The following ITGA8 variants were observed in gnomAD, a reference collection of about 807,000 sequenced individuals.
ITGA8 encodes integrin alpha-8.
In ITGA8, 91 loss-of-function variants were observed where a neutral mutation model predicts 142.3. The observed-to-expected ratio is 0.64, with a 90% CI of 0.54 to 0.76. ITGA8 has a LOEUF of 0.76. ITGA8 is among the 30% of genes least tolerant of loss of function. The pLI is 0.00. For synonymous variants in ITGA8, 505 were observed against 485.2 expected, an observed-to-expected ratio of 1.04 and a Z score of -0.54; for missense variants, 1,406 against 1,327.7, an observed-to-expected ratio of 1.06 and a Z score of -0.92.
chr10:15,616,765 T>C (rs1833400623), intron 13 of ITGA8, among the ~76,000 whole-genome samples: 1 of 152,122 alleles, frequency 6.6e-6, no homozygotes, highest in African/African-American at 2.4e-5. Flanking sequence ...CGTCCATCAG[T>C]GGATCTCAAA....
intron 26 of ITGA8, among the ~76,000 whole-genome samples, chr10:15,555,008 C>T (rs144318073): frequency 1.3e-5 from 2 of 152,300 alleles, no homozygotes; most frequent in Middle Eastern, 3.4e-3. Context: ...GATTCAATTT[C>T]TTGAGCACTG....
Position 15,544,073 on chromosome 10 carries a change from T to A in ITGA8, c.2880+4382A>T, listed in dbSNP as rs374929159. Reference sequence around the variant, plus strand: ...GCTTTGGGAGGCCAAGGCAGGAGGATCACTGGAAGCCAGGAGTTTGAGACC... The same window carrying A: ...GCTTTGGGAGGCCAAGGCAGGAGGAACACTGGAAGCCAGGAGTTTGAGACC... On this transcript the variant is annotated intron_variant, in intron 27 of 29. Coordinates refer to ENST00000378076, the MANE Select transcript of ITGA8 (RefSeq NM_003638.3). 8.9e-3 allele frequency among the ~76,000 whole-genome samples: 1,355 copies of A among 152,210 alleles called. 19 individuals carry two copies. Among genetic ancestry groups the A allele is most frequent in the African/African-American group, 0.032 (1,317 of 41,530 alleles).
At chr10:15,560,582 G>A (rs754289836) in intron 25 of ITGA8, among the ~76,000 whole-genome samples, 1 of 152,048 alleles carries the variant, frequency 6.6e-6, no homozygotes, top group Non-Finnish European at 1.5e-5. Flanking sequence ...GCATATACAG[G>A]TTACTGATTA....
At chr10:15,674,635 A>G (rs1834591425) in intron 6 of ITGA8, among the ~76,000 whole-genome samples, 1 of 152,176 alleles carries the variant, frequency 6.6e-6, no homozygotes, top group South Asian at 2.1e-4. Flanking sequence ...TTTATATACA[A>G]TTTTATCATA....
In ITGA8 at chr10:15,527,111, AC is replaced by A. The variant is rs1345684273; in HGVS notation, c.2982+3938del. 2.6e-5 allele frequency among the ~76,000 whole-genome samples: 4 copies of A among 152,178 alleles called. No homozygotes were observed. The East Asian group carries it at 7.7e-4, about 29-fold the overall frequency. On this transcript the variant is annotated intron_variant, in intron 28 of 29. Coordinates refer to ENST00000378076, the MANE Select transcript of ITGA8 (RefSeq NM_003638.3). Reference sequence around the variant, plus strand: ...TTAAATAAACGTACCAAGACACCCTACCTACGGTGCCATTTAGAACAAAATA... The same window carrying A: ...TTAAATAAACGTACCAAGACACCCTACTACGGTGCCATTTAGAACAAAATA...
intron 8 of ITGA8, among the ~76,000 whole-genome samples, chr10:15,664,838 A>C (rs202247740): frequency 5.4e-5 from 8 of 149,276 alleles, no homozygotes; most frequent in East Asian, 2.0e-4. Context: ...CCTACAAAGG[A>C]CATGAACTCA....
In ITGA8 at chr10:15,586,614, A is replaced by G; in HGVS notation, c.2342T>C (p.Ile781Thr). ...TATTTCCACCTGCGCTACAGCAGTG[A>G]TGTTGATTTGCAGGCTCACAAAATT... is the stretch of plus-strand genomic sequence containing the variant. ...DSNFVSLQINITAVAQVEIRG... is the reference protein window; with the variant it reads ...DSNFVSLQINTTAVAQVEIRG... The change falls in exon 23 of 30, where the codon ATC (isoleucine) becomes ACC (threonine). Residue 781 changes from isoleucine (I) to threonine (T), a missense_variant. Physicochemically the swap from Ile to Thr is moderately conservative, Grantham distance 89. Coordinates refer to ENST00000378076, the MANE Select transcript of ITGA8 (RefSeq NM_003638.3). 2 of 1,612,934 alleles carry G rather than the reference A, an allele frequency of 1.2e-6. No individual in the cohort carries two copies. The highest frequency in any genetic ancestry group is 1.7e-6 in the Non-Finnish European group (2 of 1,178,984).
intron 3 of ITGA8, 121 bp from the exon 4 acceptor site, chr10:15,684,248 A>C: frequency 1.0e-6 from 1 of 999,944 alleles, no homozygotes; most frequent in Non-Finnish European, 1.4e-6. Context: ...GGCCTCTAGC[A>C]TGCTAATGAG....
intron 13 of ITGA8, among the ~76,000 whole-genome samples, chr10:15,627,312 C>G (rs1471929901): frequency 6.6e-6 from 1 of 151,836 alleles, no homozygotes. Context: ...AGCCCTCAGG[C>G]ACAGAAAAGA....
At chr10:15,608,680 T>C (rs2131611906) in intron 15 of ITGA8, among the ~76,000 whole-genome samples, 1 of 152,250 alleles carries the variant, frequency 6.6e-6, no homozygotes, top group Non-Finnish European at 1.5e-5. Flanking sequence ...AGTAAGAATC[T>C]GGACCCATTT....
At chr10:15,663,828 C>G (rs1398066197) in intron 8 of ITGA8, among the ~76,000 whole-genome samples, 1 of 152,082 alleles carries the variant, frequency 6.6e-6, no homozygotes, top group African/African-American at 2.4e-5. Flanking sequence ...CCTTGGCCTT[C>G]CAAAGTGCTG....
chr10:15,622,235 A>C (rs1833503433), intron 13 of ITGA8, among the ~76,000 whole-genome samples: 1 of 152,158 alleles, frequency 6.6e-6, no homozygotes, highest in South Asian at 2.1e-4. Flanking sequence ...TGGCCACCCA[A>C]GCACCTATAC....
chr10:15,642,738 T>A (rs1833893574), intron 13 of ITGA8, among the ~76,000 whole-genome samples: 1 of 152,220 alleles, frequency 6.6e-6, no homozygotes, highest in African/African-American at 2.4e-5. Flanking sequence ...TCTCCATTAG[T>A]GTCATAAAAG....
intron 6 of ITGA8, among the ~76,000 whole-genome samples, chr10:15,676,814 G>T (rs1448600061): frequency 6.6e-6 from 1 of 152,100 alleles, no homozygotes; most frequent in African/African-American, 2.4e-5. Context: ...TTTGAGACCA[G>T]CCTGGCCAAC....
intron 14 of ITGA8, among the ~76,000 whole-genome samples, chr10:15,614,153 C>T (rs1339055008): frequency 2.0e-5 from 3 of 152,144 alleles, no homozygotes; most frequent in Non-Finnish European, 2.9e-5. Context: ...TACAGCCATT[C>T]GTATTTGTGA....
intron 13 of ITGA8, among the ~76,000 whole-genome samples, chr10:15,627,319 A>G (rs1237123898): frequency 6.6e-6 from 1 of 152,194 alleles, no homozygotes; most frequent in Non-Finnish European, 1.5e-5. Context: ...AGGCACAGAA[A>G]AGAGAGGTAA....
chr10:15,561,668 G>A (rs1833984318), intron 25 of ITGA8, among the ~76,000 whole-genome samples: 1 of 152,166 alleles, frequency 6.6e-6, no homozygotes, highest in South Asian at 2.1e-4. Context: ...GGAGATACTT[G>A]ATGTACCAAA....
At chr10:15,557,200 G>A (rs1273038522) in intron 26 of ITGA8, among the ~76,000 whole-genome samples, 3 of 152,096 alleles carry the variant, frequency 2.0e-5, no homozygotes, top group Non-Finnish European at 4.4e-5. Flanking sequence ...GGCCAACATA[G>A]TGAAACCTTA....
intron 13 of ITGA8, among the ~76,000 whole-genome samples, chr10:15,638,948 G>T (rs1833820022): frequency 6.6e-6 from 1 of 151,966 alleles, no homozygotes; most frequent in Non-Finnish European, 1.5e-5. Context: ...GCAACATAGT[G>T]AGACCCTGTC....
Sources: gnomAD v4.1 joint callset for allele counts (sites outside exome capture counted in the v4.1 genomes callset) on GRCh38, gnomAD v4.1.1 for gene constraint, MANE v1.5 for transcripts, NCBI Gene and HGNC (gene_info 2026-07-23, HGNC 2026-07-21) for gene names.